The following HMCN2 variants were observed in gnomAD, a reference collection of about 807,000 sequenced individuals.
HMCN2 encodes the protein hemicentin 2, also known as hemicentin-2.
Under a neutral mutation model 377.5 loss-of-function variants are expected in HMCN2, and 325 were observed. The ratio of observed to expected loss-of-function variants is 0.86; its 90% CI spans 0.79 to 0.94. HMCN2 has a LOEUF of 0.94. Among genes scored for constraint, HMCN2 ranks in the 40% least tolerant of loss-of-function variants. The pLI is 0.00. For synonymous variants in HMCN2, 2,007 were observed against 2,046.8 expected (o/e 0.98, Z 0.53); for missense variants, 4,543 against 4,725.3 (o/e 0.96, Z 1.13).
chr9:130,296,472 G>C (rs1836156971), intron 6 of HMCN2, among the ~76,000 whole-genome samples: 1 of 152,228 alleles, frequency 6.6e-6, no homozygotes, highest in Admixed American at 6.5e-5. Context: ...CTCAGGTTTG[G>C]GTTGTAAGCT....
chr9:130,385,373 G>A (rs1325251691), intron 59 of HMCN2, among the ~76,000 whole-genome samples, 187 bp from the exon 60 acceptor site: 1 of 151,640 alleles, frequency 6.6e-6, no homozygotes, highest in Admixed American at 6.6e-5. Flanking sequence ...GCTGTCCCTG[G>A]TCACTCAGTG....
intron 25 of HMCN2, among the ~76,000 whole-genome samples, chr9:130,343,572 G>A (rs929370753): frequency 1.3e-5 from 2 of 152,180 alleles, no homozygotes; most frequent in Middle Eastern, 6.8e-3. Flanking sequence ...TGACTATGGC[G>A]CCACCTTGCG....
Position 130,265,940 on chromosome 9 carries a change from CAG to C in HMCN2, c.63_64del (p.Val22GlyfsTer92). On this transcript the variant is annotated frameshift_variant, in exon 1 of 98. Transcript: ENST00000683500. LOFTEE classifies it high-confidence loss of function. ...GCGGTCTCTGCGGCAGTGGCAGTGG[CAG>C]TGGCCGGGGCGCCCGGGACGGTAAT... The C allele has an allele frequency of 4.5e-6, 2 of 441,698 alleles. No individual in the cohort carries two copies. Among genetic ancestry groups the C allele is most frequent in the Non-Finnish European group, 4.7e-6 (1 of 214,608 alleles). The allele number at this position is 441,698 out of a possible 1,614,324, so 27.4% of individuals were successfully genotyped here.
intron 94 of HMCN2, chr9:130,429,955 G>T (rs74375735): frequency 2.1e-5 from 13 of 631,106 alleles, no homozygotes; most frequent in East Asian, 2.0e-4. Flanking sequence ...ATTTCAGGAG[G>T]GGGAGGACTG....
In HMCN2 at chr9:130,432,662, A is replaced by C; in HGVS notation, c.14894+107A>C. The stretch of plus-strand genomic sequence containing the variant: ...TTGTCACTCCCCACACAAGTGATGC[A>C]GGCAGGAACGCACGGAGCCCTGGGG... On this transcript the variant is annotated intron_variant, in intron 97 of 97. Coordinates refer to ENST00000683500, the MANE Select transcript of HMCN2 (RefSeq NM_001291815.2). 6 of 1,261,666 alleles carry C rather than the reference A, an allele frequency of 4.8e-6. No individual in the cohort carries two copies. In the South Asian group the frequency reaches 8.5e-5, roughly 18 times the overall value. The allele number at this position is 1,261,666 out of a possible 1,614,324, so 78.2% of individuals were successfully genotyped here. A position where few individuals can be genotyped will look rare whatever the true frequency, so the allele number is the denominator to read the frequency against.
At position 130,406,085 on chromosome 9, in the gene HMCN2, G is replaced by A. The variant is rs761717362; in HGVS notation, c.12470G>A (p.Gly4157Glu). The A allele has an allele frequency of 1.3e-5, 17 of 1,289,722 alleles. No individual in the cohort carries two copies. The highest frequency in any genetic ancestry group is 1.5e-5 in the African/African-American group (1 of 65,866). The allele number at this position is 1,289,722 out of a possible 1,614,324, so 79.9% of individuals were successfully genotyped here. A position where few individuals can be genotyped will look rare whatever the true frequency, so the allele number is the denominator to read the frequency against. Residue 4157 changes from glycine (G) to glutamate (E), a missense_variant, in exon 82 of 98, where the codon GGG (glycine) becomes GAG (glutamate). Coordinates refer to ENST00000683500, the MANE Select transcript of HMCN2 (RefSeq NM_001291815.2). ...CCTGGGGACCGCAGCCTGCGCCTTG[G>A]GGACAGGCTGTGGCTTCGCTGTGCA... is the stretch of plus-strand genomic sequence containing the variant. ...TLPGDRSLRL[G>E]DRLWLRCAAR...
chr9:130,352,834 C>A, intron 30 of HMCN2, 93 bp from the exon 31 acceptor site: 1 of 1,060,524 alleles, frequency 9.4e-7, no homozygotes, highest in Non-Finnish European at 1.2e-6. Context: ...TGTGGTGTGT[C>A]TTGTGGCCCA....
Position 130,375,748 on chromosome 9 carries a change from T to TG in HMCN2, c.7804+18dup. 1.0e-6 allele frequency: 1 copy of TG among 985,470 alleles called. No homozygotes were observed. The highest frequency in any genetic ancestry group is 1.2e-6 in the Non-Finnish European group (1 of 829,732). 61.0% of individuals were successfully genotyped at this position (985,470 alleles called of 1,614,324 possible). Reference sequence around the variant, plus strand: ...CCAGCTGCTCCCAGGTGACGCCCTCTGGGGGGAAAGGAGGGAGGGAACAGG... The same window carrying TG: ...CCAGCTGCTCCCAGGTGACGCCCTCTGGGGGGGAAAGGAGGGAGGGAACAGG... On this transcript the variant is annotated intron_variant, in intron 50 of 97. Coordinates refer to ENST00000683500, the MANE Select transcript of HMCN2 (RefSeq NM_001291815.2).
At chr9:130,342,754 G>A (rs1343019045) in intron 25 of HMCN2, among the ~76,000 whole-genome samples, 1 of 152,090 alleles carries the variant, frequency 6.6e-6, no homozygotes, top group Admixed American at 6.5e-5. Context: ...GGGTGTGATC[G>A]CCAGGGCTGA....
chr9:130,271,577 CGT>C (rs1564734410), intron 1 of HMCN2, among the ~76,000 whole-genome samples: 2 of 149,014 alleles, frequency 1.3e-5, no homozygotes, highest in Non-Finnish European at 3.0e-5. Context: ...TTGTTGTGCA[CGT>C]GTGTTTTTTG....
chr9:130,399,031 T>C (rs556351338), intron 75 of HMCN2, among the ~76,000 whole-genome samples: 2 of 152,010 alleles, frequency 1.3e-5, no homozygotes, highest in African/African-American at 4.8e-5. Flanking sequence ...GGTGGGAGGA[T>C]TGCTTGAGGC....
intron 22 of HMCN2, among the ~76,000 whole-genome samples, chr9:130,332,112 G>A (rs1324865473): frequency 3.3e-5 from 5 of 152,320 alleles, no homozygotes; most frequent in African/African-American, 1.2e-4. Context: ...AGCCAGTGGT[G>A]TGCCTGGACT....
chr9:130,274,113 T>C (rs1390258434), intron 1 of HMCN2, among the ~76,000 whole-genome samples: 1 of 151,604 alleles, frequency 6.6e-6, no homozygotes, highest in Non-Finnish European at 1.5e-5. Context: ...AGTGCAGTGG[T>C]GTGATCTTGA....
rs1003573247 is a variant in HMCN2, at chr9:130,349,549, T to C, written c.4316T>C (p.Val1439Ala). 7.7e-7 allele frequency: 1 copy of C among 1,302,982 alleles called. No homozygotes were observed. Among genetic ancestry groups the C allele is most frequent in the Admixed American group, 2.3e-5 (1 of 43,548 alleles). 80.7% of individuals were successfully genotyped at this position (1,302,982 alleles called of 1,614,324 possible). The change falls in exon 29 of 98, where the codon GTG (valine) becomes GCG (alanine). Residue 1439 changes from valine to alanine, a missense_variant. Physicochemically the swap from Val to Ala is moderately conservative, Grantham distance 64. Around this residue, in one of 5 missense-constraint regions of HMCN2, gnomAD observed 1,032 missense variants for 1,285.1 expected, o/e 0.80. Coordinates refer to ENST00000683500, the MANE Select transcript of HMCN2 (RefSeq NM_001291815.2). ...TTCTCACCCCCAGCCCCTCCTTCCGTGCTTGGAGCCGGGGCCGCTCAGGAG... is the reference window on the plus strand; with the variant it reads ...TTCTCACCCCCAGCCCCTCCTTCCGCGCTTGGAGCCGGGGCCGCTCAGGAG... Reference protein sequence around the residue: ...FHLLVLTPPSVLGAGAAQEVL... With the variant: ...FHLLVLTPPSALGAGAAQEVL...
chr9:130,421,760 G>T (rs1844026725), intron 86 of HMCN2, among the ~76,000 whole-genome samples: 1 of 152,226 alleles, frequency 6.6e-6, no homozygotes, highest in Non-Finnish European at 1.5e-5. Flanking sequence ...GCTATGGGCT[G>T]CAGGAAATGG....
intron 15 of HMCN2, among the ~76,000 whole-genome samples, chr9:130,316,796 C>T (rs1366755320): frequency 1.3e-5 from 2 of 152,154 alleles, no homozygotes; most frequent in Non-Finnish European, 2.9e-5. Context: ...GAGGAGGGGC[C>T]TGGGAGCCAG....
rs1035970247 is a variant in HMCN2, at chr9:130,428,842, C to T, written c.14197+353C>T. ...TATGAATCAAGGCCCAGCTAGAGAC[C>T]ACCTCTGAATCCTTCTTGACGCAGC... is the stretch of plus-strand genomic sequence containing the variant. On this transcript the variant is annotated intron_variant, in intron 93 of 97. Coordinates refer to ENST00000683500, the MANE Select transcript of HMCN2 (RefSeq NM_001291815.2). This position sits in a 1 kb window ranked among gnomAD's most constrained non-coding sequence, Gnocchi z 5.0. 1.3e-5 allele frequency among the ~76,000 whole-genome samples: 2 copies of T among 152,180 alleles called. No homozygotes were observed. The highest frequency in any genetic ancestry group is 2.9e-5 in the Non-Finnish European group (2 of 68,022).
chr9:130,421,160 A>G (rs1331327391), intron 86 of HMCN2, among the ~76,000 whole-genome samples: 2 of 152,198 alleles, frequency 1.3e-5, no homozygotes, highest in Non-Finnish European at 2.9e-5. Flanking sequence ...ATCTTGGAAG[A>G]CATCCAATTA....
chr9:130,397,453 G>A, intron 73 of HMCN2, 75 bp from the exon 74 acceptor site: 1 of 1,236,330 alleles, frequency 8.1e-7, no homozygotes, highest in Non-Finnish European at 1.1e-6. Context: ...GCAGAGGGAA[G>A]GGTCTTGCTA....
Sources: gnomAD v4.1 joint callset for allele counts (sites outside exome capture counted in the v4.1 genomes callset) on GRCh38, gnomAD v4.1.1 for gene constraint, gnomAD v4.1.1 regional missense constraint, Gnocchi (gnomAD v3.1) non-coding constraint, MANE v1.5 for transcripts, NCBI Gene and HGNC (gene_info 2026-07-23, HGNC 2026-07-21) for gene names.